Variants in L3MBTL1 observed in about 807,000 individuals in gnomAD.
The protein encoded by L3MBTL1 is L3MBTL histone methyl-lysine binding protein 1.
L3MBTL1 carries 75 observed loss-of-function variants against 105.3 expected under a neutral mutation model. The observed-to-expected ratio is 0.71, with a 90% CI of 0.59 to 0.86. The LOEUF (loss-of-function observed/expected upper bound fraction) is 0.86, where lower values mean the gene tolerates loss of function less well. L3MBTL1 is among the 40% of genes least tolerant of loss of function. The probability of loss-of-function intolerance (pLI) is 0.00; values close to 1 mark genes in which losing one functional copy is unlikely to be tolerated. For synonymous variants in L3MBTL1, 452 were observed against 436.2 expected (o/e 1.04, Z -0.45); for missense variants, 1,069 against 1,126.4 (o/e 0.95, Z 0.73).
Position 43,540,157 on chromosome 20 carries a change from C to T in L3MBTL1, c.2180C>T (p.Thr727Met), listed in dbSNP as rs371775266. The T allele has an allele frequency of 6.5e-5, 105 of 1,611,736 alleles. No individual in the cohort carries two copies. Among genetic ancestry groups the T allele is most frequent in the Non-Finnish European group, 8.0e-5 (94 of 1,180,024 alleles). Residue 727 changes from threonine (T) to methionine (M), a missense_variant, in exon 20 of 22, where the codon ACG (threonine) becomes ATG (methionine). Physicochemically the swap from Thr to Met is moderately conservative, Grantham distance 81. Coordinates refer to ENST00000418998, the MANE Select transcript of L3MBTL1 (RefSeq NM_001377303.1). ...CTCTGCCTCTGCTTTCCAGCCCTCA[C>T]GCCCGATGTCGTGCACCAGTCCCTC... ...KIPQEDFQTL[T>M]PDVVHQSLFM... is the part of the protein sequence containing the mutation.
At chr20:43,524,193 A>G (rs2018894859) in intron 7 of L3MBTL1, among the ~76,000 whole-genome samples, 1 of 152,190 alleles carries the variant, frequency 6.6e-6, no homozygotes, top group African/African-American at 2.4e-5. Flanking sequence ...TTACTTTTCT[A>G]ACTTCATGAG....
intron 2 of L3MBTL1, 75 bp downstream of exon 2, chr20:43,513,714 G>A: frequency 6.5e-7 from 1 of 1,546,714 alleles, no homozygotes; most frequent in Non-Finnish European, 8.7e-7. Flanking sequence ...GGATCCTGGA[G>A]AGGGGATGAC....
downstream of L3MBTL1, among the ~76,000 whole-genome samples, chr20:43,542,091 T>G (rs961413858): frequency 2.0e-5 from 3 of 152,156 alleles, no homozygotes; most frequent in Non-Finnish European, 4.4e-5. Flanking sequence ...GCACCTGTAG[T>G]CCCAGCTACT....
chr20:43,511,990 G>C (rs2018147209), intron 1 of L3MBTL1, among the ~76,000 whole-genome samples: 1 of 152,064 alleles, frequency 6.6e-6, no homozygotes. Flanking sequence ...GGAGAGAACA[G>C]GGGAAGAGTG....
At chr20:43,540,694 G>A in intron 20 of L3MBTL1, 59 bp from the exon 21 acceptor site, 1 of 1,542,684 alleles carries the variant, frequency 6.5e-7, no homozygotes, top group Non-Finnish European at 8.9e-7. Flanking sequence ...GTGGAGGCCA[G>A]CTCTCCCTAC....
chr20:43,531,007 C>T, intron 11 of L3MBTL1, 118 bp downstream of exon 11: 1 of 812,960 alleles, frequency 1.2e-6, no homozygotes. Flanking sequence ...CAGCTTTGTT[C>T]TGATCTCTCA....
In L3MBTL1 at chr20:43,541,309, G is replaced by A. The variant is rs371291388; in HGVS notation, c.*181G>A. On this transcript the variant is annotated 3_prime_UTR_variant, in exon 22 of 22. Coordinates refer to ENST00000418998, the MANE Select transcript of L3MBTL1 (RefSeq NM_001377303.1). Reference sequence around the variant, plus strand: ...GGAGACAGTCTGGGTTTAAATCCCAGTTCTGTCAATTTGAGCTGTTTACTG... The same window carrying A: ...GGAGACAGTCTGGGTTTAAATCCCAATTCTGTCAATTTGAGCTGTTTACTG... 13 of 1,210,772 alleles carry A rather than the reference G, an allele frequency of 1.1e-5. 1 individual carries two copies. The highest frequency in any genetic ancestry group is 5.8e-5 in the Admixed American group (2 of 34,306). The allele number at this position is 1,210,772 out of a possible 1,614,324, so 75.0% of individuals were successfully genotyped here.
intron 19 of L3MBTL1, among the ~76,000 whole-genome samples, chr20:43,538,143 G>A (rs1450419836): frequency 6.6e-6 from 1 of 152,148 alleles, no homozygotes; most frequent in Non-Finnish European, 1.5e-5. Flanking sequence ...TGAGTGATGA[G>A]GGTCTTGGCC....
At chr20:43,525,114 T>TAA (rs11086880) in intron 7 of L3MBTL1, among the ~76,000 whole-genome samples, 13 of 139,226 alleles carry the variant, frequency 9.3e-5, no homozygotes, top group Non-Finnish European at 1.7e-4. Flanking sequence ...CCTGGGGAGT[T>TAA]AAAAAAAAAA....
Position 43,536,200 on chromosome 20 carries a change from C to T in L3MBTL1, c.2029C>T (p.Arg677Trp), listed in dbSNP as rs775289527. ...GCPLAERNQS[R>W]LKAELSDSEA... ...CCCACTGGCTGAGAGGAACCAGAGCCGGCTGAAAGCGGAGCTGTCTGACTC... is the reference window on the plus strand; with the variant it reads ...CCCACTGGCTGAGAGGAACCAGAGCTGGCTGAAAGCGGAGCTGTCTGACTC... Residue 677 changes from arginine (R) to tryptophan (W), a missense_variant, in exon 18 of 22, where the codon CGG becomes TGG. Arg to Trp is a moderately radical substitution (Grantham distance 101). Transcript: ENST00000418998. 9 of 1,612,878 alleles carry T rather than the reference C, an allele frequency of 5.6e-6. No homozygotes were observed. Among genetic ancestry groups the T allele is most frequent in the African/African-American group, 1.3e-5 (1 of 74,934 alleles).
intron 18 of L3MBTL1, among the ~76,000 whole-genome samples, chr20:43,547,102 CTTTTT>C (rs11478523): frequency 8.2e-6 from 1 of 122,642 alleles, no homozygotes; most frequent in African/African-American, 3.2e-5. Context: ...TTTTTAATGA[CTTTTT>C]TTTTTTTTTT....
chr20:43,515,221 T>A lies in L3MBTL1; in HGVS notation c.653+62T>A, dbSNP rs926593400. On this transcript the variant is annotated intron_variant, in intron 5 of 21. Transcript: ENST00000418998. ...TTCAGCCCCCAAAGCCTCATTCCTG[T>A]TCAGGGGTTAGGAGAGGGGCTGGGT... is the stretch of plus-strand genomic sequence containing the variant. The A allele has an allele frequency of 2.2e-5, 36 of 1,613,684 alleles. No homozygotes were observed. In the African/African-American group the frequency reaches 4.7e-4, roughly 21 times the overall value.
Position 43,541,041 on chromosome 20 carries a change from C to A in L3MBTL1, c.2502C>A (p.Ile834=). 6.2e-7 allele frequency: 1 copy of A among 1,614,188 alleles called. No individual in the cohort carries two copies. Among genetic ancestry groups the A allele is most frequent in the Non-Finnish European group, 8.5e-7 (1 of 1,180,044 alleles). ...CSDHLQEGKG[I]LETGVHSLLC... Reference sequence around the variant, plus strand: ...ATCATCTTCAGGAAGGAAAAGGCATCCTGGAGACAGGAGTCCATTCACTCC... The same window carrying A: ...ATCATCTTCAGGAAGGAAAAGGCATACTGGAGACAGGAGTCCATTCACTCC... The change falls in exon 22 of 22, where the codon ATC becomes ATA. Residue 834 remains isoleucine (I), a synonymous_variant. Transcript: ENST00000418998.
intron 3 of L3MBTL1, chr20:43,514,368 G>A (rs1485010217): frequency 2.2e-6 from 3 of 1,341,042 alleles, no homozygotes; most frequent in African/African-American, 1.5e-5. Flanking sequence ...GGCTTAGAGT[G>A]GGGTACCGTG....
At chr20:43,538,333 TTCCAGAGGCTGAGACTATG>T (rs1185168842) in intron 19 of L3MBTL1, among the ~76,000 whole-genome samples, 3 of 152,228 alleles carry the variant, frequency 2.0e-5, no homozygotes, top group Non-Finnish European at 4.4e-5. Context: ...AGCTACATCT[TTCCAGAGGCTGAGACTATG>T]TCACGGAACT....
chr20:43,516,585 G>A (rs2018404826), intron 7 of L3MBTL1, among the ~76,000 whole-genome samples: 1 of 152,100 alleles, frequency 6.6e-6, no homozygotes, highest in African/African-American at 2.4e-5. Flanking sequence ...TAAGAAAAAT[G>A]GAGCAGAGGT....
Position 43,521,646 on chromosome 20 carries a change from G to A in L3MBTL1, c.862+5469G>A, listed in dbSNP as rs566300347. 3.3e-5 allele frequency among the ~76,000 whole-genome samples: 5 copies of A among 152,304 alleles called. No homozygotes were observed. In the South Asian group the frequency reaches 1.0e-3, roughly 32 times the overall value. On this transcript the variant is annotated intron_variant, in intron 7 of 21. Coordinates refer to ENST00000418998, the MANE Select transcript of L3MBTL1 (RefSeq NM_001377303.1). ...TTCACTAGTGTGTAGAGGTAGGCAT[G>A]AGACTAGGTGATTAAGAAAGGAATT...
rs1478000595 is a variant in L3MBTL1 at position 43,532,891 on chromosome 20, A to T, written c.1403A>T (p.His468Leu). 2 of 1,614,058 alleles carry T rather than the reference A, an allele frequency of 1.2e-6. No homozygotes were observed. The highest frequency in any genetic ancestry group is 1.7e-6 in the Non-Finnish European group (2 of 1,180,012). ...GTGGTGGACAGCCGCTTCCTGGTGC[A>T]CTTTGACAACTGGGATGATACTTAT... ...TDVVDSRFLVHFDNWDDTYDY... is the reference protein window; with the variant it reads ...TDVVDSRFLVLFDNWDDTYDY... The change falls in exon 12 of 22, where the codon CAC (histidine) becomes CTC (leucine). Residue 468 changes from histidine (H) to leucine (L), a missense_variant. Coordinates refer to ENST00000418998, the MANE Select transcript of L3MBTL1 (RefSeq NM_001377303.1).
At chr20:43,515,262 G>A (rs2018327774) in intron 5 of L3MBTL1, 30 bp from the exon 6 acceptor site, 1 of 1,611,604 alleles carries the variant, frequency 6.2e-7, no homozygotes, top group Non-Finnish European at 8.5e-7. Context: ...AGGGCGGGTG[G>A]TTCTTTCCCT....
Sources: allele counts gnomAD v4.1 joint callset (sites outside exome capture counted in the v4.1 genomes callset), GRCh38; gene constraint gnomAD v4.1.1; transcripts MANE v1.5; gene names NCBI Gene and HGNC (gene_info 2026-07-23, HGNC 2026-07-21).